ARHGEF28: variants seen among roughly 807,000 people sequenced by gnomAD.
ARHGEF28 encodes the protein 190 kDa guanine nucleotide exchange factor.
Under a neutral mutation model 206.6 loss-of-function variants are expected in ARHGEF28, and 152 were observed. That is an observed-to-expected ratio of 0.74 (90% CI 0.64 to 0.84). The LOEUF is 0.84. ARHGEF28 is among the 40% of genes least tolerant of loss of function. ARHGEF28 has a pLI of 0.00. For missense variants in ARHGEF28, 2,028 were observed against 2,073.2 expected (o/e 0.98, Z 0.42); for synonymous variants, 763 against 776.4 (o/e 0.98, Z 0.29).
chr5:73,825,704 G>A (rs1756866141), intron 9 of ARHGEF28, among the ~76,000 whole-genome samples: 1 of 152,138 alleles, frequency 6.6e-6, no homozygotes, highest in Non-Finnish European at 1.5e-5. Context: ...TGATGAGAAA[G>A]GTCAGATTCT....
chr5:73,721,581 T>G (rs746009137), intron 2 of ARHGEF28, among the ~76,000 whole-genome samples: 1 of 152,088 alleles, frequency 6.6e-6, no homozygotes, highest in East Asian at 1.9e-4. Flanking sequence ...TAGCTGAATT[T>G]TTTTTTTCAG....
At chr5:73,736,891 G>T (rs967878913) in intron 2 of ARHGEF28, among the ~76,000 whole-genome samples, 4 of 152,048 alleles carry the variant, frequency 2.6e-5, no homozygotes, top group Admixed American at 1.3e-4. Context: ...ACAGTGAGGG[G>T]CAAGAAAGGA....
chr5:73,929,312 G>C (rs184112182), intron 35 of ARHGEF28, among the ~76,000 whole-genome samples: 1 of 152,066 alleles, frequency 6.6e-6, no homozygotes, highest in Non-Finnish European at 1.5e-5. Context: ...TTTTGAAGCG[G>C]ATCTTAAACA....
chr5:73,856,796 G>A (rs889864167), intron 14 of ARHGEF28, among the ~76,000 whole-genome samples: 1 of 152,132 alleles, frequency 6.6e-6, no homozygotes, highest in African/African-American at 2.4e-5. Context: ...AGAGACTTTA[G>A]TTAGGAAATA....
chr5:73,783,876 A>C (rs910970036), intron 7 of ARHGEF28, among the ~76,000 whole-genome samples: 5 of 152,210 alleles, frequency 3.3e-5, no homozygotes, highest in African/African-American at 9.7e-5. Context: ...ACCAATAAGC[A>C]CAAGAATTTG....
intron 14 of ARHGEF28, among the ~76,000 whole-genome samples, chr5:73,857,084 C>T (rs1478383237): frequency 1.3e-5 from 2 of 152,142 alleles, no homozygotes; most frequent in Non-Finnish European, 2.9e-5. Flanking sequence ...CCTCTCTCCT[C>T]CACAACCTAG....
At chr5:73,671,942 A>C (rs2112218799) in intron 1 of ARHGEF28, among the ~76,000 whole-genome samples, 1 of 151,190 alleles carries the variant, frequency 6.6e-6, no homozygotes, top group East Asian at 2.0e-4. Flanking sequence ...TTTTTAGTAG[A>C]GATGGGGTTT....
In ARHGEF28 at chr5:73,901,376, C is replaced by G. The variant is rs408881; in HGVS notation, c.4074+92C>G. On this transcript the variant is annotated intron_variant, in intron 31 of 35. Coordinates refer to ENST00000513042, the MANE Select transcript of ARHGEF28 (RefSeq NM_001177693.2). ...TGGTCTGTCACGGCAGTCAGTGGGG[C>G]AAAGGTGCTTTTCTGAATTGTTCTC... 1.8e-3 allele frequency: 1,704 copies of G among 945,398 alleles called. 5 individuals are homozygous for G. Among genetic ancestry groups the G allele is most frequent in the Non-Finnish European group, 2.5e-3 (1,546 of 615,954 alleles). The allele number at this position is 945,398 out of a possible 1,614,324, so 58.6% of individuals were successfully genotyped here. A position where few individuals can be genotyped will look rare whatever the true frequency, so the allele number is the denominator to read the frequency against.
At chr5:73,654,408 C>G (rs187196147) in intron 1 of ARHGEF28, among the ~76,000 whole-genome samples, 104 of 152,270 alleles carry the variant, frequency 6.8e-4, no homozygotes, top group Non-Finnish European at 2.9e-5. Flanking sequence ...CTCTAGGAGC[C>G]ACTGAGAGAT....
At chr5:73,664,185 A>G (rs1050155542) in intron 1 of ARHGEF28, among the ~76,000 whole-genome samples, 1 of 152,216 alleles carries the variant, frequency 6.6e-6, no homozygotes, top group Non-Finnish European at 1.5e-5. Flanking sequence ...CTACCAACAC[A>G]GCTGTGGCCA....
intron 33 of ARHGEF28, chr5:73,905,304 C>T (rs1408337859): frequency 1.2e-5 from 1 of 82,052 alleles, no homozygotes; most frequent in Non-Finnish European, 2.2e-5. Flanking sequence ...CCAGCCCATC[C>T]ATTAAAAAAA....
At chr5:73,868,985 C>G (rs1759892557) in intron 20 of ARHGEF28, among the ~76,000 whole-genome samples, 2 of 151,998 alleles carry the variant, frequency 1.3e-5, no homozygotes, top group Admixed American at 1.3e-4. Flanking sequence ...TAGAGCAGGA[C>G]TTAATCTAGG....
chr5:73,813,756 T>C, intron 9 of ARHGEF28: 1 of 1,441,156 alleles, frequency 6.9e-7, no homozygotes, highest in Middle Eastern at 1.7e-4. Flanking sequence ...TGCCAGACTG[T>C]TTTTCCAATG....
intron 9 of ARHGEF28, among the ~76,000 whole-genome samples, chr5:73,796,976 T>G (rs1754860949): frequency 6.6e-6 from 1 of 152,212 alleles, no homozygotes; most frequent in Non-Finnish European, 1.5e-5. Flanking sequence ...TATTAAACAC[T>G]GAGACGATCT....
At chr5:73,831,981 A>G (rs1175645809) in intron 9 of ARHGEF28, among the ~76,000 whole-genome samples, 1 of 152,084 alleles carries the variant, frequency 6.6e-6, no homozygotes, top group Non-Finnish European at 1.5e-5. Context: ...GTGAGACACC[A>G]TGTCCGGCCT....
chr5:73,724,517 A>G (rs147359273), intron 2 of ARHGEF28, among the ~76,000 whole-genome samples: 8 of 152,304 alleles, frequency 5.3e-5, no homozygotes, highest in African/African-American at 1.4e-4. Flanking sequence ...TGGAACATTA[A>G]CATCACCCCA....
At chr5:73,876,985 C>G (rs1163859701) in intron 22 of ARHGEF28, among the ~76,000 whole-genome samples, 1 of 139,616 alleles carries the variant, frequency 7.2e-6, no homozygotes, top group Non-Finnish European at 1.6e-5. Context: ...GGAATAGTTT[C>G]AGAAGGAATG....
chr5:73,636,383 T>C (rs1406427652), intron 1 of ARHGEF28, among the ~76,000 whole-genome samples: 3 of 152,152 alleles, frequency 2.0e-5, no homozygotes, highest in African/African-American at 7.2e-5. Flanking sequence ...TTAACAGTAA[T>C]TTGGATATTG....
At chr5:73,898,206 T>A in intron 30 of ARHGEF28, 113 bp downstream of exon 30, 2 of 1,312,686 alleles carry the variant, frequency 1.5e-6, no homozygotes, top group East Asian at 2.7e-5. Flanking sequence ...CTTGATATAT[T>A]TTTTTAAATT....
Sources: gnomAD v4.1 joint callset for allele counts (sites outside exome capture counted in the v4.1 genomes callset) on GRCh38, gnomAD v4.1.1 for gene constraint, MANE v1.5 for transcripts, NCBI Gene and HGNC (gene_info 2026-07-23, HGNC 2026-07-21) for gene names.